The following LRRIQ1 variants were observed in gnomAD, a reference collection of about 807,000 sequenced individuals.
LRRIQ1 encodes leucine-rich repeat- and IQ domain-containing protein 1.
Under a neutral mutation model 211.9 loss-of-function variants are expected in LRRIQ1, and 210 were observed. The ratio of observed to expected loss-of-function variants is 0.99; its 90% confidence interval spans 0.89 to 1.11. The LOEUF is 1.11. Among genes scored for constraint, LRRIQ1 ranks in the 50% most tolerant of loss-of-function variants. The pLI, the probability that LRRIQ1 is intolerant of heterozygous loss-of-function variation, is 0.00. For missense variants in LRRIQ1, 2,136 were observed against 1,939.5 expected, an observed-to-expected ratio of 1.10 and a Z score of -1.90; for synonymous variants, 699 against 650.1, an observed-to-expected ratio of 1.08 and a Z score of -1.14.
At chr12:85,241,443 T>C (rs911628987) in intron 26 of LRRIQ1, among the ~76,000 whole-genome samples, 6 of 152,026 alleles carry the variant, frequency 3.9e-5, no homozygotes, top group African/African-American at 1.4e-4. Flanking sequence ...AAAAAGCTTT[T>C]AAAATCACTC....
chr12:85,212,832 T>C (rs1349636128), intron 24 of LRRIQ1, among the ~76,000 whole-genome samples: 2 of 143,396 alleles, frequency 1.4e-5, no homozygotes, highest in Admixed American at 7.0e-5. Flanking sequence ...AGAGAGAGGG[T>C]TCTAGGGTAA....
rs918793664 is a variant in LRRIQ1, at chr12:85,216,508, T to C, written c.4823-13009T>C. Among the ~76,000 whole-genome samples the C allele has an allele frequency of 4.0e-5, 6 of 150,364 alleles. No homozygotes were observed. The East Asian group carries it at 1.2e-3, about 29-fold the overall frequency. ...TACATATAATTTAATATATAATGTA[T>C]ATAATTCTTTATATTTCATAGTATA... On this transcript the variant is annotated intron_variant, in intron 24 of 26. Transcript: ENST00000393217.
intron 18 of LRRIQ1, among the ~76,000 whole-genome samples, chr12:85,130,783 G>C (rs1404131798): frequency 1.3e-5 from 2 of 152,070 alleles, no homozygotes; most frequent in Non-Finnish European, 2.9e-5. Context: ...CAAAATGAAA[G>C]GTTTTGTGAA....
chr12:85,077,265 G>C (rs1191135407), intron 11 of LRRIQ1, among the ~76,000 whole-genome samples: 2 of 152,178 alleles, frequency 1.3e-5, no homozygotes, highest in African/African-American at 4.8e-5. Context: ...ATTTGAAATA[G>C]ATATTTGTAG....
At chr12:85,215,387 C>T (rs1008243535) in intron 24 of LRRIQ1, among the ~76,000 whole-genome samples, 2 of 151,996 alleles carry the variant, frequency 1.3e-5, no homozygotes, top group African/African-American at 4.8e-5. Flanking sequence ...GTACGTGTGC[C>T]GGTTTGTTAC....
At chr12:85,049,517 C>A (rs1250610660) in intron 6 of LRRIQ1, among the ~76,000 whole-genome samples, 1 of 152,126 alleles carries the variant, frequency 6.6e-6, no homozygotes, top group Non-Finnish European at 1.5e-5. Context: ...TATGCTGAAA[C>A]ACTCCTATCA....
At chr12:85,084,735 G>A (rs1450350667) in intron 11 of LRRIQ1, among the ~76,000 whole-genome samples, 1 of 151,942 alleles carries the variant, frequency 6.6e-6, no homozygotes, top group East Asian at 1.9e-4. Context: ...AGACCAGCCT[G>A]GCCAACATGG....
At chr12:85,245,843 T>C (rs1895692898), downstream of LRRIQ1, among the ~76,000 whole-genome samples, 1 of 150,716 alleles carries the variant, frequency 6.6e-6, no homozygotes, top group Admixed American at 6.7e-5. Flanking sequence ...TTTGAAAGAG[T>C]TGTATTACTC....
At chr12:85,081,974 C>T (rs777936887) in intron 11 of LRRIQ1, among the ~76,000 whole-genome samples, 1 of 151,938 alleles carries the variant, frequency 6.6e-6, no homozygotes, top group African/African-American at 2.4e-5. Flanking sequence ...CTGCTCGCCT[C>T]GGCGTCCCAA....
At chr12:85,050,148 C>T (rs1880127633) in intron 6 of LRRIQ1, among the ~76,000 whole-genome samples, 1 of 152,076 alleles carries the variant, frequency 6.6e-6, no homozygotes, top group Admixed American at 6.5e-5. Flanking sequence ...CATAAGGGAC[C>T]TGCTCCCATG....
Position 85,166,221 on chromosome 12 carries a change from G to A in LRRIQ1, c.4822+5507G>A, listed in dbSNP as rs141238343. Among the ~76,000 whole-genome samples the A allele has an allele frequency of 4.1e-3, 623 of 152,210 alleles. 3 individuals carry two copies. The highest frequency in any genetic ancestry group is 0.014 in the African/African-American group (595 of 41,534). On this transcript the variant is annotated intron_variant, in intron 24 of 26. Transcript: ENST00000393217. ...TTGGTCAGGGAAGGAAGTTAGCCAA[G>A]CCAGGAAAAAAATTTAGTCTGGCGC...
At chr12:85,239,257 C>T (rs1895345656) in intron 26 of LRRIQ1, among the ~76,000 whole-genome samples, 1 of 151,460 alleles carries the variant, frequency 6.6e-6, no homozygotes, top group Non-Finnish European at 1.5e-5. Context: ...ATGGAAAGGA[C>T]CTAGAATAGC....
At chr12:85,077,238 T>C (rs3847769) in intron 11 of LRRIQ1, among the ~76,000 whole-genome samples, 35,862 of 152,166 alleles carry the variant, frequency 0.24, 4,813 homozygotes, top group African/African-American at 0.34. Flanking sequence ...CATTGGCTCA[T>C]TTCTGTGGGA....
intron 26 of LRRIQ1, among the ~76,000 whole-genome samples, chr12:85,243,372 C>G (rs1895560245): frequency 6.8e-6 from 1 of 146,078 alleles, no homozygotes; most frequent in Non-Finnish European, 1.5e-5. Context: ...TTTTAGGGTA[C>G]CTGTGCACAT....
At chr12:85,221,036 T>C (rs1894378303) in intron 24 of LRRIQ1, among the ~76,000 whole-genome samples, 1 of 151,964 alleles carries the variant, frequency 6.6e-6, no homozygotes, top group South Asian at 2.1e-4. Flanking sequence ...GGTCTCGAAC[T>C]ACTGACCTCA....
At chr12:85,176,776 A>AT (rs1891729377) in intron 24 of LRRIQ1, among the ~76,000 whole-genome samples, 4 of 152,056 alleles carry the variant, frequency 2.6e-5, no homozygotes, top group African/African-American at 9.7e-5. Flanking sequence ...AAAAATAAGA[A>AT]TTTTAGATGG....
chr12:85,221,489 C>A (rs1894400079), intron 24 of LRRIQ1, among the ~76,000 whole-genome samples: 1 of 152,072 alleles, frequency 6.6e-6, no homozygotes, highest in Non-Finnish European at 1.5e-5. Flanking sequence ...GTAATGAATG[C>A]TATCATGGGG....
At chr12:85,156,435 G>A (rs1218167468) in intron 23 of LRRIQ1, among the ~76,000 whole-genome samples, 2 of 151,750 alleles carry the variant, frequency 1.3e-5, no homozygotes, top group Non-Finnish European at 2.9e-5. Flanking sequence ...CTTCTGTTCA[G>A]TTGATGATGT....
In LRRIQ1 at chr12:85,148,154, G is replaced by A. The variant is rs1890012508; in HGVS notation, c.4330-4126G>A. On this transcript the variant is annotated intron_variant, in intron 19 of 26. Coordinates refer to ENST00000393217, the MANE Select transcript of LRRIQ1 (RefSeq NM_001079910.2). Reference sequence around the variant, plus strand: ...AATTTAAAGAATATCTGAACAGAAGGCTTTCTTTTTTTTTTAAATGTATTT... The same window carrying A: ...AATTTAAAGAATATCTGAACAGAAGACTTTCTTTTTTTTTTAAATGTATTT... Among the ~76,000 whole-genome samples the A allele has an allele frequency of 2.6e-5, 4 of 151,804 alleles. No individual in the cohort carries two copies. In the South Asian group the frequency reaches 8.3e-4, roughly 32 times the overall value.
Sources: gnomAD v4.1 joint callset for allele counts (sites outside exome capture counted in the v4.1 genomes callset) on GRCh38, gnomAD v4.1.1 for gene constraint, MANE v1.5 for transcripts, NCBI Gene and HGNC (gene_info 2026-07-23, HGNC 2026-07-21) for gene names.